Variants in SHTN1 observed in about 807,000 individuals in gnomAD.
SHTN1 encodes the protein shootin 1.
Under a neutral mutation model 83.1 loss-of-function variants are expected in SHTN1, and 42 were observed. The ratio of observed to expected loss-of-function variants is 0.51; its 90% CI spans 0.39 to 0.65. SHTN1 has a LOEUF of 0.65. SHTN1 is among the 30% of genes least tolerant of loss of function. The pLI, the probability that SHTN1 is intolerant of heterozygous loss-of-function variation, is 0.00. For missense variants in SHTN1, 622 were observed against 737.8 expected (o/e 0.84, Z 1.82); for synonymous variants, 224 against 247.7 (o/e 0.90, Z 0.90).
intron 1 of SHTN1, among the ~76,000 whole-genome samples, chr10:116,979,769 T>C (rs991275064): frequency 1.3e-5 from 2 of 152,230 alleles, no homozygotes; most frequent in African/African-American, 4.8e-5. Context: ...TTCCCTGAAG[T>C]TCCTCCCAGC....
At chr10:117,001,899 G>A (rs1851834300) in intron 1 of SHTN1, among the ~76,000 whole-genome samples, 1 of 151,966 alleles carries the variant, frequency 6.6e-6, no homozygotes, top group African/African-American at 2.4e-5. Context: ...AAATCACTAA[G>A]GAAGGACCCA....
intron 1 of SHTN1, among the ~76,000 whole-genome samples, chr10:117,050,342 A>T (rs1253450530): frequency 1.3e-5 from 2 of 152,202 alleles, no homozygotes; most frequent in African/African-American, 4.8e-5. Flanking sequence ...AAATTATAAC[A>T]GTTTAAACAA....
At chr10:116,933,443 T>C (rs1049757380) in intron 9 of SHTN1, among the ~76,000 whole-genome samples, 4 of 152,194 alleles carry the variant, frequency 2.6e-5, no homozygotes, top group African/African-American at 9.7e-5. Context: ...CTGTGTTAGT[T>C]TGCTGAAAAT....
rs114987140 is a variant in SHTN1 at position 117,041,936 on chromosome 10, T to G, written c.-123+6509A>C. ...AATTTTACATAAGAGGAAAATAAGA[T>G]CCACAAAAATTAAATGATATGTTCT... On this transcript the variant is annotated intron_variant, in intron 2 of 17. Coordinates refer to the SHTN1 transcript ENST00000392901. Among the ~76,000 whole-genome samples the G allele has an allele frequency of 4.8e-3, 730 of 152,278 alleles. 8 individuals are homozygous for G. The highest frequency in any genetic ancestry group is 0.017 in the African/African-American group (689 of 41,568).
chr10:117,047,442 C>T lies in SHTN1; in HGVS notation c.-123+1003G>A, dbSNP rs941819668. On this transcript the variant is annotated intron_variant, in intron 2 of 17. Coordinates refer to the SHTN1 transcript ENST00000392901. ...GATTAATCATCTATTATGTACCAGGCACTATTAGATCTGGGTGATAAGAGA... is the reference window on the plus strand; with the variant it reads ...GATTAATCATCTATTATGTACCAGGTACTATTAGATCTGGGTGATAAGAGA... Among the ~76,000 whole-genome samples the T allele has an allele frequency of 3.3e-5, 5 of 152,202 alleles. 1 individual carries two copies. The East Asian group carries it at 5.8e-4, about 18-fold the overall frequency.
intron 1 of SHTN1, among the ~76,000 whole-genome samples, chr10:116,990,287 C>CTTTTTTTTTTTTTTTTTTTGTTTGG (rs11399364): frequency 8.3e-6 from 1 of 119,920 alleles, no homozygotes; most frequent in Non-Finnish European, 1.7e-5. Flanking sequence ...TTTTTTCTTT[C>CTTTTTTTTTTTTTTTTTTTGTTTGG]TTTTTTTTTT....
chr10:117,018,664 T>C (rs767209105), intron 2 of SHTN1, among the ~76,000 whole-genome samples: 5 of 150,730 alleles, frequency 3.3e-5, no homozygotes, highest in Admixed American at 6.6e-5. Context: ...CTCTGACTCC[T>C]GGGTTCAAGC....
chr10:117,098,396 CAAAAAAAA>C (rs11321262), intron 1 of SHTN1, among the ~76,000 whole-genome samples: 36 of 61,042 alleles, frequency 5.9e-4, no homozygotes, highest in South Asian at 3.0e-3. Context: ...CACTCCGTCT[CAAAAAAAA>C]AAAAAAAAAA....
intron 11 of SHTN1, among the ~76,000 whole-genome samples, chr10:116,922,691 G>A (rs986120778): frequency 1.3e-5 from 2 of 152,184 alleles, no homozygotes; most frequent in African/African-American, 2.4e-5. Flanking sequence ...TAGGCCGTGT[G>A]CAGTGGCTCA....
chr10:117,061,260 C>T (rs1020822699), intron 1 of SHTN1, among the ~76,000 whole-genome samples: 2 of 151,468 alleles, frequency 1.3e-5, no homozygotes, highest in Non-Finnish European at 2.9e-5. Context: ...AATTCTCCTG[C>T]CTCAGCCTCC....
At chr10:116,927,988 GTTCTT>G (rs1172822220) in intron 10 of SHTN1, 97 bp from the exon 11 acceptor site, 6 of 1,437,852 alleles carry the variant, frequency 4.2e-6, no homozygotes, top group Non-Finnish European at 5.7e-6. Flanking sequence ...TCAAAAGTAA[GTTCTT>G]TTTATTAAGG....
At chr10:117,119,558 T>C (rs1037016091) in intron 1 of SHTN1, among the ~76,000 whole-genome samples, 25 of 152,138 alleles carry the variant, frequency 1.6e-4, no homozygotes, top group African/African-American at 5.6e-4. Flanking sequence ...CTGGCGAGGA[T>C]GTGGAGAAAA....
intron 1 of SHTN1, among the ~76,000 whole-genome samples, chr10:116,983,696 ATAC>A (rs1564913773): frequency 7.5e-4 from 5 of 6,688 alleles, no homozygotes; most frequent in East Asian, 0.05. Context: ...AAATACATAC[ATAC>A]ATACATACAT....
At chr10:116,951,883 T>C (rs1281931666) in intron 6 of SHTN1, 26 bp downstream of exon 6, 3 of 1,352,402 alleles carry the variant, frequency 2.2e-6, no homozygotes, top group Non-Finnish European at 3.1e-6. Context: ...GCTAAAGCCC[T>C]TGCCTTTCAG....
At chr10:116,995,973 AT>A (rs1851614099) in intron 1 of SHTN1, among the ~76,000 whole-genome samples, 1 of 152,158 alleles carries the variant, frequency 6.6e-6, no homozygotes, top group African/African-American at 2.4e-5. Context: ...CTAAGGAGGC[AT>A]TTTTGTAAGC....
At chr10:116,962,793 C>T (rs1351951782) in intron 3 of SHTN1, among the ~76,000 whole-genome samples, 1 of 152,050 alleles carries the variant, frequency 6.6e-6, no homozygotes, top group African/African-American at 2.4e-5. Flanking sequence ...AAAGAGAGAA[C>T]AGTAGACATT....
chr10:116,973,836 T>C (rs1850701553), intron 2 of SHTN1: 1 of 1,255,794 alleles, frequency 8.0e-7, no homozygotes, highest in Non-Finnish European at 1.0e-6. Context: ...ATCAGAATTG[T>C]GTGTACTTTA....
At chr10:117,007,820 G>T (rs1271711892), upstream of SHTN1, among the ~76,000 whole-genome samples, 4 of 151,896 alleles carry the variant, frequency 2.6e-5, no homozygotes, top group African/African-American at 9.7e-5. Context: ...AGACCATCCT[G>T]GCTAACACGG....
intron 12 of SHTN1, among the ~76,000 whole-genome samples, chr10:116,920,284 CCTT>C (rs992328585): frequency 5.3e-5 from 8 of 152,136 alleles, no homozygotes; most frequent in Non-Finnish European, 8.8e-5. Flanking sequence ...GATCTGGCCT[CCTT>C]GTTTTAAGCC....
Sources: gnomAD v4.1 joint callset for allele counts (sites outside exome capture counted in the v4.1 genomes callset) on GRCh38, gnomAD v4.1.1 for gene constraint, MANE v1.5 for transcripts, NCBI Gene and HGNC (gene_info 2026-07-23, HGNC 2026-07-21) for gene names.